Variants in SYNE2 observed in about 807,000 individuals in gnomAD.
The protein encoded by SYNE2 is spectrin repeat containing nuclear envelope protein 2, also known as nesprin-2.
In SYNE2, 431 loss-of-function variants were observed where a neutral mutation model predicts 856.3. The observed-to-expected ratio is 0.50, with a 90% CI of 0.47 to 0.55. The LOEUF (loss-of-function observed/expected upper bound fraction) is 0.55, where lower values mean the gene tolerates loss of function less well. Ranked by LOEUF, SYNE2 falls within the 20% of genes least tolerant of loss-of-function variation. The pLI, the probability that SYNE2 is intolerant of heterozygous loss-of-function variation, is 0.00. For synonymous variants in SYNE2, 2,923 were observed against 2,872.3 expected (o/e 1.02, Z -0.56); for missense variants, 8,129 against 8,023.2 (o/e 1.01, Z -0.50).
At chr14:64,156,480 CAG>C (rs1325351636) in intron 85 of SYNE2, among the ~76,000 whole-genome samples, 6 of 147,738 alleles carry the variant, frequency 4.1e-5, no homozygotes, top group Non-Finnish European at 8.9e-5. Context: ...TTTGTGGAGA[CAG>C]AGTTTTGCTC....
At chr14:63,908,086 GT>G (rs1173711256) in intron 1 of SYNE2, among the ~76,000 whole-genome samples, 1 of 152,024 alleles carries the variant, frequency 6.6e-6, no homozygotes, top group African/African-American at 2.4e-5. Context: ...GAAGTGTTCT[GT>G]TTAATATTTA....
chr14:63,929,071 G>A (rs1371298161), intron 2 of SYNE2, among the ~76,000 whole-genome samples: 1 of 152,076 alleles, frequency 6.6e-6, no homozygotes, highest in Non-Finnish European at 1.5e-5. Context: ...AGCTCCGAAA[G>A]CCCTTGGAAT....
At position 64,212,982 on chromosome 14, in the gene SYNE2, C is replaced by T. The variant is rs752861384; in HGVS notation, c.19033C>T (p.Arg6345Trp). 23 of 1,613,588 alleles carry T rather than the reference C, an allele frequency of 1.4e-5. No homozygotes were observed. The highest frequency in any genetic ancestry group is 1.2e-4 in the South Asian group (11 of 91,070). The change falls in exon 105 of 116, where the codon CGG becomes TGG. Residue 6345 changes from arginine (R) to tryptophan (W), a missense_variant. This residue lies in a region of SYNE2 where 5,410 missense variants were observed against 5,284.8 expected (regional missense o/e 1.02). Transcript: ENST00000555002. ...EVFGRVSRFH[R>W]RLTSCTPGLE... Reference sequence around the variant, plus strand: ...GTTTGGAAGGGTCTCCCGGTTCCACCGGCGGCTCACCTCCTGCACTCCGGT... The same window carrying T: ...GTTTGGAAGGGTCTCCCGGTTCCACTGGCGGCTCACCTCCTGCACTCCGGT...
intron 1 of SYNE2, among the ~76,000 whole-genome samples, chr14:63,844,198 A>C (rs532445233): frequency 6.6e-6 from 1 of 152,250 alleles, no homozygotes; most frequent in South Asian, 2.1e-4. Context: ...CCATCCCCCC[A>C]ATCCTGACAA....
intron 1 of SYNE2, among the ~76,000 whole-genome samples, chr14:63,833,488 T>C (rs1889741075): frequency 6.6e-6 from 1 of 152,180 alleles, no homozygotes; most frequent in South Asian, 2.1e-4. Flanking sequence ...AACTGGCACT[T>C]AACAAGCAGA....
intron 23 of SYNE2, among the ~76,000 whole-genome samples, chr14:63,996,180 G>A (rs944797388): frequency 2.0e-5 from 3 of 152,040 alleles, no homozygotes; most frequent in South Asian, 2.1e-4. Context: ...GTCTCATGAC[G>A]CCCTTCCTCT....
At chr14:64,158,912 T>A in intron 86 of SYNE2, 117 bp downstream of exon 86, 1 of 1,099,580 alleles carries the variant, frequency 9.1e-7, no homozygotes, top group Non-Finnish European at 1.4e-6. Flanking sequence ...CAAAGCATGT[T>A]AAATAGCAGT....
At chr14:64,098,259 AT>A in intron 62 of SYNE2, 113 bp downstream of exon 62, 1 of 1,183,958 alleles carries the variant, frequency 8.4e-7, no homozygotes, top group Non-Finnish European at 1.2e-6. Flanking sequence ...TAGTAAAGGA[AT>A]TTTTTAAAGT....
intron 8 of SYNE2, chr14:63,960,765 A>G (rs951963488): frequency 1.3e-6 from 1 of 764,262 alleles, no homozygotes; most frequent in Admixed American, 1.7e-5. Flanking sequence ...ACTTTACAGA[A>G]TTTATATGCC....
At chr14:63,978,740 A>G (rs2096563962) in intron 13 of SYNE2, 112 bp from the exon 14 acceptor site, 8 of 844,296 alleles carry the variant, frequency 9.5e-6, no homozygotes, top group Non-Finnish European at 1.5e-5. Flanking sequence ...TCTGAGTTCC[A>G]TGTGCTTAAA....
At chr14:64,011,085 A>G (rs952171710) in intron 32 of SYNE2, among the ~76,000 whole-genome samples, 1 of 152,220 alleles carries the variant, frequency 6.6e-6, no homozygotes, top group Admixed American at 6.5e-5. Flanking sequence ...GTGAAAGCTT[A>G]AATAGGACAA....
At chr14:64,140,380 C>G (rs1289606684) in intron 80 of SYNE2, among the ~76,000 whole-genome samples, 1 of 152,226 alleles carries the variant, frequency 6.6e-6, no homozygotes, top group African/African-American at 2.4e-5. Context: ...ATCGGGATTT[C>G]GATACCAGCC....
At position 64,081,428 on chromosome 14, in the gene SYNE2, G is replaced by T; in HGVS notation, c.11347-15G>T. 2 of 1,614,050 alleles carry T rather than the reference G, an allele frequency of 1.2e-6. No individual in the cohort carries two copies. The highest frequency in any genetic ancestry group is 1.7e-6 in the Non-Finnish European group (2 of 1,179,970). On this transcript the variant is annotated splice_polypyrimidine_tract_variant and intron_variant, in intron 56 of 115. Transcript: ENST00000555002. ...AAGGCATCTGACTAAGTTTGGTCCTGCATCTCTTTCCCAGGCCACAGTTAA... is the reference window on the plus strand; with the variant it reads ...AAGGCATCTGACTAAGTTTGGTCCTTCATCTCTTTCCCAGGCCACAGTTAA...
At chr14:64,111,698 C>T (rs966836312) in intron 65 of SYNE2, among the ~76,000 whole-genome samples, 1 of 151,532 alleles carries the variant, frequency 6.6e-6, no homozygotes, top group Non-Finnish European at 1.5e-5. Context: ...CTTGGGAGGC[C>T]AAGACAGGAG....
rs748032243 is a variant in SYNE2, at chr14:64,051,701, G to A, written c.7788G>A (p.Leu2596=). The A allele has an allele frequency of 6.2e-7, 1 of 1,614,166 alleles. No individual in the cohort carries two copies. Among genetic ancestry groups the A allele is most frequent in the South Asian group, 1.1e-5 (1 of 91,082 alleles). ...NHVTDMDKKL[L]ESQIKQLEHG... The stretch of plus-strand genomic sequence containing the variant: ...TGACTGACATGGATAAGAAATTGTT[G>A]GAAAGCCAGATTAAGCAACTTGAAC... The change falls in exon 48 of 116, where the codon TTG becomes TTA. Residue 2596 remains leucine (L), a synonymous_variant. Coordinates refer to ENST00000555002, the MANE Select transcript of SYNE2 (RefSeq NM_182914.3).
At chr14:64,213,084 A>G in intron 105 of SYNE2, 79 bp downstream of exon 105, 1 of 1,459,400 alleles carries the variant, frequency 6.9e-7, no homozygotes, top group Non-Finnish European at 9.5e-7. Context: ...GAATTAGGGG[A>G]CCTGTCTTAT....
intron 1 of SYNE2, among the ~76,000 whole-genome samples, chr14:63,881,621 T>TTA (rs1230530334): frequency 1.3e-5 from 2 of 148,754 alleles, no homozygotes; most frequent in African/African-American, 2.4e-5. Context: ...ATAATTATAA[T>TTA]TATATATATA....
intron 1 of SYNE2, among the ~76,000 whole-genome samples, chr14:63,831,268 G>A (rs564276074): frequency 6.6e-6 from 1 of 152,218 alleles, no homozygotes; most frequent in African/African-American, 2.4e-5. Context: ...AATTTTGTTT[G>A]TGTTGTCTTC....
intron 12 of SYNE2, among the ~76,000 whole-genome samples, chr14:63,977,337 C>T (rs373523931): frequency 2.0e-5 from 3 of 152,006 alleles, no homozygotes; most frequent in South Asian, 2.1e-4. Flanking sequence ...CTCAGCCTCC[C>T]GAGTAGCTGG....
Sources: gnomAD v4.1 joint callset for allele counts (sites outside exome capture counted in the v4.1 genomes callset) on GRCh38, gnomAD v4.1.1 for gene constraint, gnomAD v4.1.1 regional missense constraint, MANE v1.5 for transcripts, NCBI Gene and HGNC (gene_info 2026-07-23, HGNC 2026-07-21) for gene names.